GABRG1: variants seen among roughly 807,000 people sequenced by gnomAD.
GABRG1 encodes gamma-aminobutyric acid receptor subunit gamma-1.
Under a neutral mutation model 49.8 loss-of-function variants are expected in GABRG1, and 49 were observed. That is an observed-to-expected ratio of 0.98 (90% confidence interval 0.78 to 1.25). The LOEUF is 1.25. GABRG1 is among the 50% of genes most tolerant of loss of function. The probability of loss-of-function intolerance (pLI) is 0.00; values close to 1 mark genes in which losing one functional copy is unlikely to be tolerated. For missense variants in GABRG1, 552 were observed against 552.3 expected (o/e 1.00, Z 0.01); for synonymous variants, 232 against 185.1 (o/e 1.25, Z -2.06).
At chr4:46,077,051 T>C (rs1427839126) in intron 3 of GABRG1, among the ~76,000 whole-genome samples, 1 of 149,172 alleles carries the variant, frequency 6.7e-6, no homozygotes, top group Non-Finnish European at 1.5e-5. Context: ...AATGACATAG[T>C]ATATCATTAC....
At chr4:46,074,554 T>C (rs998223089) in intron 3 of GABRG1, among the ~76,000 whole-genome samples, 1 of 152,096 alleles carries the variant, frequency 6.6e-6, no homozygotes, top group Admixed American at 6.6e-5. Context: ...ATCATACAGT[T>C]TTAACAATTT....
chr4:46,118,257 TC>T, intron 1 of GABRG1, among the ~76,000 whole-genome samples: 1 of 149,774 alleles, frequency 6.7e-6, no homozygotes, highest in African/African-American at 2.4e-5. Context: ...TATCTATCTA[TC>T]TATCTATCTA....
chr4:46,062,950 C>A (rs914375394), intron 5 of GABRG1, among the ~76,000 whole-genome samples: 14 of 151,686 alleles, frequency 9.2e-5, no homozygotes, highest in Non-Finnish European at 1.0e-4. Context: ...ACTTAGGAAT[C>A]CAACTTACAA....
intron 2 of GABRG1, among the ~76,000 whole-genome samples, chr4:46,086,687 T>A (rs776091370): frequency 1.3e-5 from 2 of 151,602 alleles, no homozygotes; most frequent in Admixed American, 6.6e-5. Context: ...TTACTTCAAA[T>A]TTAAATATTT....
intron 3 of GABRG1, among the ~76,000 whole-genome samples, chr4:46,069,592 G>C (rs1211058069): frequency 2.6e-5 from 4 of 152,092 alleles, no homozygotes. Flanking sequence ...ACAGGAGAGA[G>C]ATTCAAAAAG....
intron 5 of GABRG1, among the ~76,000 whole-genome samples, chr4:46,060,461 T>C (rs960472676): frequency 1.1e-4 from 16 of 152,166 alleles, no homozygotes; most frequent in Admixed American, 2.0e-4. Context: ...ACCTTTCTGG[T>C]TTACAGTTTT....
intron 3 of GABRG1, among the ~76,000 whole-genome samples, chr4:46,069,588 G>A (rs1249293953): frequency 6.6e-6 from 1 of 152,102 alleles, no homozygotes; most frequent in Non-Finnish European, 1.5e-5. Flanking sequence ...CAATACAGGA[G>A]AGAGATTCAA....
chr4:46,091,075 C>G (rs1719973699), intron 2 of GABRG1, among the ~76,000 whole-genome samples: 1 of 151,598 alleles, frequency 6.6e-6, no homozygotes, highest in Non-Finnish European at 1.5e-5. Context: ...GTGATGTTGA[C>G]AAACCAAATA....
chr4:46,091,701 T>C (rs1165519730), intron 2 of GABRG1, among the ~76,000 whole-genome samples: 1 of 151,924 alleles, frequency 6.6e-6, no homozygotes. Flanking sequence ...TGTAATGACA[T>C]AGCAGAGGTC....
chr4:46,090,252 T>C (rs1213703015), intron 2 of GABRG1, among the ~76,000 whole-genome samples: 2 of 152,074 alleles, frequency 1.3e-5, no homozygotes, highest in Non-Finnish European at 2.9e-5. Context: ...CCAGGACATA[T>C]TTAACCTAAT....
chr4:46,058,612 AG>A lies in GABRG1; in HGVS notation c.635del (p.Pro212LeufsTer14), dbSNP rs2109402992. 1 of 1,612,144 alleles carries A rather than the reference AG, an allele frequency of 6.2e-7. No individual in the cohort carries two copies. On this transcript the variant is annotated frameshift_variant, in exon 6 of 9. Transcript: ENST00000295452. LOFTEE classifies it high-confidence loss of function. ...CPLEFSSYGYPKNEIEYKWKK... is the reference protein window; with the variant it reads ...CPLEFSSYGYXKNEIEYKWKK... ...TCCACTTATACTCAATTTCATTTTT[AG>A]GGTATCCATCTATAGAGAAAAAATA...
intron 8 of GABRG1, among the ~76,000 whole-genome samples, chr4:46,046,890 T>C (rs1340478318): frequency 1.3e-5 from 2 of 152,092 alleles, no homozygotes; most frequent in Admixed American, 6.6e-5. Flanking sequence ...AAAACGTGTA[T>C]AACTTGCCTG....
At chr4:46,118,462 T>C (rs910105769) in intron 1 of GABRG1, among the ~76,000 whole-genome samples, 4 of 151,008 alleles carry the variant, frequency 2.6e-5, no homozygotes, top group East Asian at 1.9e-4. Context: ...TTTACTTGTT[T>C]ATGTTAATAT....
chr4:46,050,963 A>C (rs577659261), intron 8 of GABRG1, among the ~76,000 whole-genome samples: 1 of 152,008 alleles, frequency 6.6e-6, no homozygotes, highest in East Asian at 1.9e-4. Context: ...AAGTTAAGGT[A>C]ATTATATGAT....
At chr4:46,097,152 T>A (rs1199502030) in intron 2 of GABRG1, 49 bp downstream of exon 2, 4 of 1,443,796 alleles carry the variant, frequency 2.8e-6, no homozygotes, top group Non-Finnish European at 3.8e-6. Context: ...GTACCAGTAA[T>A]GATATGTTTA....
intron 8 of GABRG1, among the ~76,000 whole-genome samples, chr4:46,043,356 T>C (rs375961913): frequency 2.3e-4 from 35 of 152,022 alleles, no homozygotes; most frequent in African/African-American, 8.2e-4. Flanking sequence ...GTTGTCTAGA[T>C]TTTTGCTCCC....
chr4:46,099,172 T>C (rs1720294066), intron 1 of GABRG1, among the ~76,000 whole-genome samples: 1 of 151,676 alleles, frequency 6.6e-6, no homozygotes. Context: ...TGTCTGTAAT[T>C]TGCAATACTC....
intron 3 of GABRG1, among the ~76,000 whole-genome samples, chr4:46,080,829 C>A (rs1719538203): frequency 6.6e-6 from 1 of 151,786 alleles, no homozygotes; most frequent in Admixed American, 6.6e-5. Flanking sequence ...GGCTTCTTTT[C>A]TCTAGGCATT....
At chr4:46,121,753 A>C (rs1281107425) in intron 1 of GABRG1, among the ~76,000 whole-genome samples, 1 of 151,696 alleles carries the variant, frequency 6.6e-6, no homozygotes, top group African/African-American at 2.4e-5. Context: ...TGAGGCCGTA[A>C]GGGCTAATTA....
Sources: gnomAD v4.1 joint callset for allele counts (sites outside exome capture counted in the v4.1 genomes callset) on GRCh38, gnomAD v4.1.1 for gene constraint, MANE v1.5 for transcripts, NCBI Gene and HGNC (gene_info 2026-07-23, HGNC 2026-07-21) for gene names.